GALNTL6: variants seen among roughly 807,000 people sequenced by gnomAD.
The protein encoded by GALNTL6 is polypeptide N-acetylgalactosaminyltransferase like 6, also known as polypeptide N-acetylgalactosaminyltransferase-like 6.
In GALNTL6, 46 loss-of-function variants were observed where a neutral mutation model predicts 73.7. The ratio of observed to expected loss-of-function variants is 0.62; its 90% CI spans 0.49 to 0.80. The LOEUF is 0.80. Ranked by LOEUF, GALNTL6 falls within the 30% of genes least tolerant of loss-of-function variation. GALNTL6 has a pLI of 0.00. For missense variants in GALNTL6, 604 were observed against 755.0 expected, an observed-to-expected ratio of 0.80 and a Z score of 2.34; for synonymous variants, 259 against 263.7, an observed-to-expected ratio of 0.98 and a Z score of 0.17.
At chr4:172,241,457 C>A (rs2110993358) in intron 3 of GALNTL6, among the ~76,000 whole-genome samples, 1 of 152,286 alleles carries the variant, frequency 6.6e-6, no homozygotes, top group African/African-American at 2.4e-5. Context: ...TCTCTTTTGG[C>A]ACATCTGTGC....
At chr4:172,108,154 G>A (rs969935289) in intron 2 of GALNTL6, among the ~76,000 whole-genome samples, 2 of 152,128 alleles carry the variant, frequency 1.3e-5, no homozygotes, top group Non-Finnish European at 2.9e-5. Flanking sequence ...CTTTACTTTA[G>A]ATAGTTCATT....
At chr4:172,262,687 G>T (rs967297833) in intron 3 of GALNTL6, among the ~76,000 whole-genome samples, 1 of 150,842 alleles carries the variant, frequency 6.6e-6, no homozygotes, top group Non-Finnish European at 1.5e-5. Context: ...AAATATCTTG[G>T]TTTTTGTGTG....
intron 2 of GALNTL6, among the ~76,000 whole-genome samples, chr4:172,075,751 A>G (rs887214351): frequency 6.6e-6 from 1 of 151,408 alleles, no homozygotes; most frequent in African/African-American, 2.4e-5. Context: ...AGAAATGAGA[A>G]AGAGAGAGAG....
chr4:172,401,709 G>A (rs1201742480), intron 5 of GALNTL6, among the ~76,000 whole-genome samples: 2 of 152,056 alleles, frequency 1.3e-5, no homozygotes, highest in Non-Finnish European at 2.9e-5. Context: ...CTAGAAAGTT[G>A]TATCATCACA....
intron 5 of GALNTL6, among the ~76,000 whole-genome samples, chr4:172,389,703 T>C (rs1305009003): frequency 6.6e-6 from 1 of 152,088 alleles, no homozygotes; most frequent in Non-Finnish European, 1.5e-5. Context: ...TCTTAATCAA[T>C]AAAAGAAAGT....
chr4:172,136,914 A>C lies in GALNTL6; in HGVS notation c.139-92742A>C, dbSNP rs565205475. Among the ~76,000 whole-genome samples the C allele has an allele frequency of 2.6e-5, 4 of 152,182 alleles. No homozygotes were observed. In the South Asian group the frequency reaches 8.3e-4, roughly 32 times the overall value. The stretch of plus-strand genomic sequence containing the variant: ...CCATAGCAATTAAAAGTAAATAATT[A>C]GTCCCCGAAAAACAAAGCCTGCTTA... On this transcript the variant is annotated intron_variant, in intron 2 of 12. Transcript: ENST00000506823.
chr4:172,696,420 T>G (rs1733697621), intron 5 of GALNTL6, among the ~76,000 whole-genome samples: 1 of 152,216 alleles, frequency 6.6e-6, no homozygotes. Flanking sequence ...TGTTTTGTTT[T>G]GTTTTTTATT....
chr4:172,573,164 A>T (rs1435445107), intron 5 of GALNTL6, among the ~76,000 whole-genome samples: 1 of 152,162 alleles, frequency 6.6e-6, no homozygotes, highest in African/African-American at 2.4e-5. Context: ...AAATATAAAA[A>T]CAATTATAAA....
At chr4:172,780,149 G>A (rs2110893986) in intron 5 of GALNTL6, among the ~76,000 whole-genome samples, 2 of 151,980 alleles carry the variant, frequency 1.3e-5, no homozygotes, top group South Asian at 4.2e-4. Flanking sequence ...AAGCTGCTAG[G>A]TAGTGAAGCT....
At chr4:172,118,716 A>G (rs1412835705) in intron 2 of GALNTL6, among the ~76,000 whole-genome samples, 1 of 151,914 alleles carries the variant, frequency 6.6e-6, no homozygotes, top group Non-Finnish European at 1.5e-5. Context: ...AAAAAGAAAA[A>G]AAAAAACCAA....
intron 5 of GALNTL6, among the ~76,000 whole-genome samples, chr4:172,520,126 G>T (rs1489320486): frequency 6.6e-6 from 1 of 151,782 alleles, no homozygotes; most frequent in Non-Finnish European, 1.5e-5. Flanking sequence ...CATTTAAACT[G>T]TACAACAACC....
At chr4:172,470,192 T>A (rs1393711436) in intron 5 of GALNTL6, among the ~76,000 whole-genome samples, 1 of 152,182 alleles carries the variant, frequency 6.6e-6, no homozygotes, top group Non-Finnish European at 1.5e-5. Context: ...TCTATTTGAT[T>A]TAATCCTTGT....
At chr4:172,754,824 C>G (rs1737646558) in intron 5 of GALNTL6, among the ~76,000 whole-genome samples, 1 of 142,010 alleles carries the variant, frequency 7.0e-6, no homozygotes, top group Non-Finnish European at 1.5e-5. Flanking sequence ...AACAAAAACT[C>G]AAGGAACCTC....
rs1221063056 is a variant in GALNTL6, at chr4:172,068,269, G to A, written c.139-161387G>A. Among the ~76,000 whole-genome samples, 2 of 108,694 alleles carry A rather than the reference G, an allele frequency of 1.8e-5. 1 individual carries two copies. The highest frequency in any genetic ancestry group is 4.1e-5 in the Non-Finnish European group (2 of 49,086). 71.3% of individuals were successfully genotyped at this position (108,694 alleles called of 152,430 possible). On this transcript the variant is annotated intron_variant, in intron 2 of 12. Transcript: ENST00000506823. Reference sequence around the variant, plus strand: ...TAGCTCAAGCTACCTCTACTACTTCGTCTTCTCTAATAGCTTCTTAATATA... The same window carrying A: ...TAGCTCAAGCTACCTCTACTACTTCATCTTCTCTAATAGCTTCTTAATATA...
intron 8 of GALNTL6, among the ~76,000 whole-genome samples, chr4:172,892,013 A>G (rs566501067): frequency 2.3e-4 from 35 of 152,210 alleles, no homozygotes; most frequent in Non-Finnish European, 4.4e-4. Flanking sequence ...CAAGTCTTAA[A>G]TTGTTTTTCT....
intron 5 of GALNTL6, among the ~76,000 whole-genome samples, chr4:172,702,182 C>T (rs1051242899): frequency 9.2e-5 from 14 of 152,074 alleles, no homozygotes; most frequent in African/African-American, 2.6e-4. Flanking sequence ...TCTTTTATAT[C>T]AATATTAGAA....
At chr4:172,002,884 T>C (rs1266534671) in intron 2 of GALNTL6, among the ~76,000 whole-genome samples, 2 of 152,124 alleles carry the variant, frequency 1.3e-5, no homozygotes, top group Admixed American at 6.6e-5. Flanking sequence ...GCAAAAATAA[T>C]AGATTCCATT....
At chr4:171,867,185 T>C (rs949475171) in intron 2 of GALNTL6, among the ~76,000 whole-genome samples, 14 of 152,184 alleles carry the variant, frequency 9.2e-5, no homozygotes, top group South Asian at 8.3e-4. Context: ...GATACCATTT[T>C]GAGAGGCAAC....
chr4:172,979,452 A>G (rs1005028378), intron 10 of GALNTL6, among the ~76,000 whole-genome samples: 1 of 152,242 alleles, frequency 6.6e-6, no homozygotes, highest in Non-Finnish European at 1.5e-5. Flanking sequence ...ATTGTTTTCA[A>G]TATAATCAGG....
Sources: allele counts gnomAD v4.1 joint callset (sites outside exome capture counted in the v4.1 genomes callset), GRCh38; gene constraint gnomAD v4.1.1; transcripts MANE v1.5; gene names NCBI Gene and HGNC (gene_info 2026-07-23, HGNC 2026-07-21).